The following CNTNAP2 variants were observed in gnomAD, a reference collection of about 807,000 sequenced individuals.
The protein encoded by CNTNAP2 is contactin associated protein 2.
CNTNAP2 carries 98 observed loss-of-function variants against 155.2 expected under a neutral mutation model. The ratio of observed to expected loss-of-function variants is 0.63; its 90% confidence interval spans 0.54 to 0.75. The LOEUF is 0.75. Among genes scored for constraint, CNTNAP2 ranks in the 30% least tolerant of loss-of-function variants. The pLI is 0.00. For synonymous variants in CNTNAP2, 651 were observed against 631.2 expected, an observed-to-expected ratio of 1.03 and a Z score of -0.47; for missense variants, 1,727 against 1,688.1, an observed-to-expected ratio of 1.02 and a Z score of -0.40.
intron 3 of CNTNAP2, among the ~76,000 whole-genome samples, chr7:146,918,590 T>A (rs1014240894): frequency 1.3e-5 from 2 of 152,218 alleles, no homozygotes; most frequent in Non-Finnish European, 1.5e-5. Flanking sequence ...TACCTCATGC[T>A]TTTGCCTCAC....
intron 3 of CNTNAP2, among the ~76,000 whole-genome samples, chr7:146,862,522 A>G (rs1300094041): frequency 6.6e-6 from 1 of 152,136 alleles, no homozygotes; most frequent in Non-Finnish European, 1.5e-5. Context: ...CGCTAATGAC[A>G]CTCAATGCAA....
intron 8 of CNTNAP2, among the ~76,000 whole-genome samples, chr7:147,219,523 T>C (rs911998870): frequency 7.9e-5 from 12 of 152,178 alleles, no homozygotes; most frequent in Admixed American, 2.0e-4. Context: ...CACCTCTTCA[T>C]TCCACTTTCT....
intron 1 of CNTNAP2, among the ~76,000 whole-genome samples, chr7:146,150,365 T>C (rs7800594): frequency 0.29 from 43,890 of 151,916 alleles, 7,125 homozygotes; most frequent in African/African-American, 0.44. Flanking sequence ...GTTGAGCATA[T>C]AGTCACCCTA....
chr7:147,809,045 G>GA lies in CNTNAP2; in HGVS notation c.2099-94510dup, dbSNP rs111884245. Among the ~76,000 whole-genome samples the GA allele has an allele frequency of 3.3e-3, 487 of 148,556 alleles. 4 individuals carry two copies. Among genetic ancestry groups the GA allele is most frequent in the South Asian group, 9.4e-3 (44 of 4,684 alleles). ...GAGAGGTTCTCAGCCAACCAGGAAG[G>GA]AAAAAAAAAATGATTCAGTGATTAG... is the stretch of plus-strand genomic sequence containing the variant. On this transcript the variant is annotated intron_variant, in intron 13 of 23. Coordinates refer to ENST00000361727, the MANE Select transcript of CNTNAP2 (RefSeq NM_014141.6).
intron 21 of CNTNAP2, among the ~76,000 whole-genome samples, chr7:148,292,565 A>G (rs1243635334): frequency 6.6e-6 from 1 of 152,208 alleles, no homozygotes; most frequent in Non-Finnish European, 1.5e-5. Context: ...TCCTAAGAGA[A>G]AAAGAGGCTG....
At chr7:147,869,663 T>C (rs892094176) in intron 13 of CNTNAP2, among the ~76,000 whole-genome samples, 16 of 152,224 alleles carry the variant, frequency 1.1e-4, no homozygotes, top group African/African-American at 3.6e-4. Flanking sequence ...AACTGACTCT[T>C]GATCCGGAGG....
At chr7:148,024,973 A>G (rs999345800) in intron 15 of CNTNAP2, among the ~76,000 whole-genome samples, 6 of 152,222 alleles carry the variant, frequency 3.9e-5, no homozygotes, top group African/African-American at 1.4e-4. Context: ...TTCTAACCTC[A>G]CAAGCTAGCT....
At chr7:146,654,839 G>T (rs1799969859) in intron 1 of CNTNAP2, among the ~76,000 whole-genome samples, 2 of 152,066 alleles carry the variant, frequency 1.3e-5, no homozygotes, top group East Asian at 3.9e-4. Context: ...TTAGGCATTT[G>T]TTATGAGATC....
chr7:147,226,724 C>T (rs914794316), intron 8 of CNTNAP2, among the ~76,000 whole-genome samples: 1 of 152,156 alleles, frequency 6.6e-6, no homozygotes, highest in African/African-American at 2.4e-5. Context: ...GAGATTTTCC[C>T]AGAACTATCC....
At chr7:148,004,625 A>G (rs59775237) in intron 15 of CNTNAP2, among the ~76,000 whole-genome samples, 6,040 of 152,254 alleles carry the variant, frequency 0.04, 246 homozygotes, top group East Asian at 0.24. Context: ...TAAGACAACA[A>G]ATGACCCAGT....
At chr7:146,394,143 T>C (rs534034006) in intron 1 of CNTNAP2, among the ~76,000 whole-genome samples, 1 of 152,218 alleles carries the variant, frequency 6.6e-6, no homozygotes, top group South Asian at 2.1e-4. Context: ...TAGTACACCA[T>C]GTGGATTGCC....
intron 13 of CNTNAP2, among the ~76,000 whole-genome samples, chr7:147,827,415 T>C (rs776666834): frequency 6.6e-6 from 1 of 152,118 alleles, no homozygotes; most frequent in Non-Finnish European, 1.5e-5. Context: ...GTGCTTAGCA[T>C]AGCACATAAA....
At chr7:147,786,020 G>A (rs1191822665) in intron 13 of CNTNAP2, among the ~76,000 whole-genome samples, 5 of 149,532 alleles carry the variant, frequency 3.3e-5, no homozygotes, top group East Asian at 2.0e-4. Context: ...GGCCAGGCAC[G>A]GTGGCTCATG....
chr7:146,935,038 G>T (rs1472710589), intron 3 of CNTNAP2, among the ~76,000 whole-genome samples: 1 of 152,178 alleles, frequency 6.6e-6, no homozygotes, highest in Non-Finnish European at 1.5e-5. Flanking sequence ...ATGTGTTCAT[G>T]ACCTTGTGTT....
intron 17 of CNTNAP2, among the ~76,000 whole-genome samples, chr7:148,161,196 C>T (rs1377627151): frequency 2.0e-5 from 3 of 152,210 alleles, no homozygotes; most frequent in African/African-American, 7.2e-5. Context: ...AATTTTGCTG[C>T]CGCTTCATGT....
intron 15 of CNTNAP2, among the ~76,000 whole-genome samples, chr7:148,021,989 G>C (rs12055952): frequency 0.31 from 47,429 of 151,930 alleles, 7,669 homozygotes; most frequent in East Asian, 0.5. Context: ...AGGAACAGAA[G>C]GCTGTGGCCA....
chr7:147,998,333 G>T (rs181501325), intron 15 of CNTNAP2, among the ~76,000 whole-genome samples: 1 of 151,912 alleles, frequency 6.6e-6, no homozygotes, highest in East Asian at 1.9e-4. Flanking sequence ...GGCTGGTCTC[G>T]ATCTCCTGAC....
At chr7:146,865,903 C>T (rs1469432025) in intron 3 of CNTNAP2, among the ~76,000 whole-genome samples, 3 of 152,068 alleles carry the variant, frequency 2.0e-5, no homozygotes, top group Non-Finnish European at 4.4e-5. Context: ...CACAATGACC[C>T]GTTTTCCTTG....
chr7:147,801,948 G>A (rs866185054), intron 13 of CNTNAP2, among the ~76,000 whole-genome samples: 33 of 149,842 alleles, frequency 2.2e-4, no homozygotes, highest in Non-Finnish European at 3.1e-4. Flanking sequence ...CTGGCCGGGC[G>A]GGGGGCTGAC....
Sources: allele counts gnomAD v4.1 joint callset (sites outside exome capture counted in the v4.1 genomes callset), GRCh38; gene constraint gnomAD v4.1.1; transcripts MANE v1.5; gene names NCBI Gene and HGNC (gene_info 2026-07-23, HGNC 2026-07-21).